The following CCDC146 variants were observed in gnomAD, a reference collection of about 807,000 sequenced individuals.
The protein encoded by CCDC146 is coiled-coil domain containing 146, also known as coiled-coil domain-containing protein 146.
CCDC146 carries 92 observed loss-of-function variants against 119.3 expected under a neutral mutation model. The observed-to-expected ratio is 0.77, with a 90% CI of 0.65 to 0.92. The LOEUF (loss-of-function observed/expected upper bound fraction) is 0.92. Among genes scored for constraint, CCDC146 ranks in the 40% least tolerant of loss-of-function variants. The pLI is 0.00. For synonymous variants in CCDC146, 372 were observed against 371.8 expected (o/e 1.00, Z -0.01); for missense variants, 1,000 against 1,103.0 (o/e 0.91, Z 1.32).
intron 1 of CCDC146, among the ~76,000 whole-genome samples, chr7:77,128,096 TG>T (rs1246238066): frequency 2.0e-5 from 3 of 152,088 alleles, no homozygotes; most frequent in Non-Finnish European, 4.4e-5. Flanking sequence ...TTAAACATAC[TG>T]ATGCAAAATT....
chr7:77,174,786 T>C, intron 2 of CCDC146, among the ~76,000 whole-genome samples: 1 of 152,372 alleles, frequency 6.6e-6, no homozygotes, highest in African/African-American at 2.4e-5. Flanking sequence ...TTTATAAAAA[T>C]GGATTATTTC....
At chr7:77,220,818 T>TAA (rs1792390338) in intron 2 of CCDC146, among the ~76,000 whole-genome samples, 1 of 152,206 alleles carries the variant, frequency 6.6e-6, no homozygotes, top group Non-Finnish European at 1.5e-5. Flanking sequence ...GGCTGAGTTG[T>TAA]GTGTTGTTGG....
chr7:77,274,217 A>G (rs1793581572), intron 10 of CCDC146, among the ~76,000 whole-genome samples: 2 of 152,150 alleles, frequency 1.3e-5, no homozygotes, highest in Non-Finnish European at 2.9e-5. Flanking sequence ...TGAAGCTAAA[A>G]CACCATTACT....
chr7:77,258,743 A>C (rs895418223), intron 6 of CCDC146, among the ~76,000 whole-genome samples: 1 of 152,140 alleles, frequency 6.6e-6, no homozygotes, highest in Non-Finnish European at 1.5e-5. Flanking sequence ...GAGCATCTGT[A>C]CCTCCATAAA....
intron 2 of CCDC146, among the ~76,000 whole-genome samples, chr7:77,185,963 AAT>A (rs1791660749): frequency 6.6e-6 from 1 of 152,230 alleles, no homozygotes; most frequent in Admixed American, 6.5e-5. Context: ...CCCCAGTTTA[AAT>A]GGCTTTTATC....
chr7:77,169,262 T>A (rs1791382441), intron 2 of CCDC146, among the ~76,000 whole-genome samples: 1 of 152,176 alleles, frequency 6.6e-6, no homozygotes, highest in South Asian at 2.1e-4. Context: ...TTCTCAAGTG[T>A]CTTCTACTAG....
chr7:77,148,250 C>A (rs922137520), intron 1 of CCDC146, among the ~76,000 whole-genome samples: 11 of 152,280 alleles, frequency 7.2e-5, no homozygotes, highest in Admixed American at 2.0e-4. Flanking sequence ...TTTGCTAAGA[C>A]CATTGGAAAA....
chr7:77,256,643 A>T, intron 6 of CCDC146, 134 bp downstream of exon 6: 1 of 682,056 alleles, frequency 1.5e-6, no homozygotes, highest in Non-Finnish European at 2.5e-6. Context: ...ATTGCGATTG[A>T]TCCTATCAAA....
chr7:77,129,040 G>A (rs1354200427), intron 1 of CCDC146, among the ~76,000 whole-genome samples: 1 of 152,084 alleles, frequency 6.6e-6, no homozygotes, highest in Non-Finnish European at 1.5e-5. Flanking sequence ...CACAAACATG[G>A]AGTACAGTAG....
At chr7:77,250,834 T>TTA (rs1793043122) in intron 4 of CCDC146, among the ~76,000 whole-genome samples, 1 of 151,328 alleles carries the variant, frequency 6.6e-6, no homozygotes, top group African/African-American at 2.4e-5. Context: ...TAGTCTTTTT[T>TTA]TTTTTTTTTT....
intron 2 of CCDC146, among the ~76,000 whole-genome samples, chr7:77,187,042 G>A (rs1397461388): frequency 6.6e-6 from 1 of 152,158 alleles, no homozygotes; most frequent in Admixed American, 6.5e-5. Context: ...TCATCCACAA[G>A]GACTCAAATG....
At chr7:77,259,953 TG>T in intron 7 of CCDC146, 55 bp from the exon 8 acceptor site, 1 of 131,816 alleles carries the variant, frequency 7.6e-6, no homozygotes, top group South Asian at 1.0e-4. Flanking sequence ...TGTGTGTGTG[TG>T]TGTGTGTGTG....
At chr7:77,287,385 A>G in intron 16 of CCDC146, 55 bp from the exon 17 acceptor site, 1 of 1,585,942 alleles carries the variant, frequency 6.3e-7, no homozygotes, top group Non-Finnish European at 8.6e-7. Flanking sequence ...AGGAAATAAG[A>G]TTTTGTCTTA....
At chr7:77,128,778 G>A in intron 1 of CCDC146, among the ~76,000 whole-genome samples, 1 of 152,136 alleles carries the variant, frequency 6.6e-6, no homozygotes, top group Non-Finnish European at 1.5e-5. Context: ...TGGAAAGAGA[G>A]TGTGTGGGGG....
rs142441315 is a variant in CCDC146 at position 77,241,809 on chromosome 7, G to A, written c.358G>A (p.Val120Ile). ...TTTTCCAGAAGCATTCTCCACGGAG[G>A]TCTCCAAAATGAGAGAACAACTTCT... is the stretch of plus-strand genomic sequence containing the variant. ...DNFPEAFSTEVSKMREQLLKY... is the reference protein window; with the variant it reads ...DNFPEAFSTEISKMREQLLKY... Residue 120 changes from valine (V) to isoleucine (I), a missense_variant, in exon 4 of 19, where the codon GTC becomes ATC. This residue lies in a region of CCDC146 where 985 missense variants were observed against 1,045.3 expected (regional missense o/e 0.94). Coordinates refer to ENST00000285871, the MANE Select transcript of CCDC146 (RefSeq NM_020879.3). 73 of 1,614,020 alleles carry A rather than the reference G, an allele frequency of 4.5e-5. No homozygotes were observed. The East Asian group carries it at 1.6e-3, about 35-fold the overall frequency.
intron 9 of CCDC146, among the ~76,000 whole-genome samples, chr7:77,263,990 A>T (rs1048513604): frequency 6.6e-6 from 1 of 152,204 alleles, no homozygotes; most frequent in African/African-American, 2.4e-5. Flanking sequence ...TTGCAAAACC[A>T]ATAAAACATG....
chr7:77,200,619 T>C (rs1002510632), intron 2 of CCDC146, among the ~76,000 whole-genome samples: 5 of 152,354 alleles, frequency 3.3e-5, no homozygotes, highest in Admixed American at 2.6e-4. Context: ...TTCTCTTGCC[T>C]ACAGCATCTT....
rs374582832 is a variant in CCDC146, at chr7:77,262,144, G to A, written c.1010G>A (p.Arg337His). 1.4e-5 allele frequency: 23 copies of A among 1,605,616 alleles called. No homozygotes were observed. Among genetic ancestry groups the A allele is most frequent in the East Asian group, 1.1e-4 (5 of 44,762 alleles). ...AGAGGGATCTTGGATCTCAATTTAC[G>A]CAACAGTCTCATTGACAAGCAGAAC... ...TERGILDLNL[R>H]NSLIDKQNYH... The change falls in exon 9 of 19, where the codon CGC (arginine) becomes CAC (histidine). Residue 337 changes from arginine (R) to histidine (H), a missense_variant. By Grantham distance (29) the Arg-to-His change is conservative. Coordinates refer to ENST00000285871, the MANE Select transcript of CCDC146 (RefSeq NM_020879.3).
chr7:77,179,153 A>G (rs1179787270), intron 2 of CCDC146, among the ~76,000 whole-genome samples: 2 of 152,206 alleles, frequency 1.3e-5, no homozygotes, highest in African/African-American at 4.8e-5. Flanking sequence ...TAGGTTCTCA[A>G]TGGTCAAGCA....
Sources: allele counts gnomAD v4.1 joint callset (sites outside exome capture counted in the v4.1 genomes callset), GRCh38; gene constraint gnomAD v4.1.1; regional missense constraint gnomAD v4.1.1; transcripts MANE v1.5; gene names NCBI Gene and HGNC (gene_info 2026-07-23, HGNC 2026-07-21).